SULF2: variants seen among roughly 807,000 people sequenced by gnomAD.
SULF2 encodes extracellular sulfatase Sulf-2.
Under a neutral mutation model 107.7 loss-of-function variants are expected in SULF2, and 52 were observed. That is an observed-to-expected ratio of 0.48 (90% CI 0.39 to 0.61). SULF2 has a LOEUF of 0.61. SULF2 is among the 20% of genes least tolerant of loss of function. The pLI is 0.00. For missense variants in SULF2, 993 were observed against 1,177.3 expected, an observed-to-expected ratio of 0.84 and a Z score of 2.29; for synonymous variants, 460 against 464.3, an observed-to-expected ratio of 0.99 and a Z score of 0.12.
rs1182622871 is a variant in SULF2, at chr20:47,663,231, C to T, written c.2228-19G>A. ...GGCCCCACTGCCAAGGAAGAGAGAG[C>T]ATGTCCTGAGTGCCTGCGGGAGGAG... On this transcript the variant is annotated intron_variant, in intron 16 of 20. Transcript: ENST00000688720. 2 of 1,613,532 alleles carry T rather than the reference C, an allele frequency of 1.2e-6. No individual in the cohort carries two copies. The highest frequency in any genetic ancestry group is 1.3e-5 in the African/African-American group (1 of 74,940).
intron 1 of SULF2, among the ~76,000 whole-genome samples, chr20:47,770,532 A>T (rs535547332): frequency 6.6e-6 from 1 of 152,302 alleles, no homozygotes; most frequent in East Asian, 1.9e-4. Context: ...GCACGGTGGG[A>T]AGACTGGAAT....
At chr20:47,662,973 G>T in intron 17 of SULF2, 97 bp downstream of exon 17, 2 of 1,406,630 alleles carry the variant, frequency 1.4e-6, no homozygotes, top group South Asian at 1.2e-5. Flanking sequence ...AGTGGGACTT[G>T]GACAATTTGT....
chr20:47,690,156 G>T lies in SULF2; in HGVS notation c.707C>A (p.Ser236Ter). 6.5e-7 allele frequency: 1 copy of T among 1,536,350 alleles called. No individual in the cohort carries two copies. The highest frequency in any genetic ancestry group is 8.8e-7 in the Non-Finnish European group (1 of 1,136,894). The change falls in exon 5 of 21, where the codon TCA becomes TAA. Residue 236 changes from serine (S) to a stop codon, truncating the protein, a stop_gained. Transcript: ENST00000688720. LOFTEE classifies it high-confidence loss of function. ...HGPEDSAPQYSRLFPNASQHI... is the reference protein window; with the variant it reads ...HGPEDSAPQY ...CTGAGATGCGTTTGGGAAGAGGCGT[G>T]AATATTGTGGGGCTGAATCCTCAGG...
chr20:47,739,125 C>T (rs1434675504), intron 2 of SULF2, among the ~76,000 whole-genome samples: 1 of 152,196 alleles, frequency 6.6e-6, no homozygotes, highest in Non-Finnish European at 1.5e-5. Flanking sequence ...CATGCTAACA[C>T]CTTGATTTTG....
At position 47,745,400 on chromosome 20, in the gene SULF2, A is replaced by T. The variant is rs1451988764; in HGVS notation, c.176-8458T>A. Among the ~76,000 whole-genome samples the T allele has an allele frequency of 2.3e-3, 71 of 30,538 alleles. 2 individuals carry two copies. The highest frequency in any genetic ancestry group is 7.2e-3 in the African/African-American group (66 of 9,150). 20.0% of individuals were successfully genotyped at this position (30,538 alleles called of 152,430 possible). ...TTTGAGGGAAAAAAAAAAAAAAAAA[A>T]AAAAAAAAAAATATATATATATATA... is the stretch of plus-strand genomic sequence containing the variant. On this transcript the variant is annotated intron_variant, in intron 2 of 20. Coordinates refer to ENST00000688720, the MANE Select transcript of SULF2 (RefSeq NM_001387048.1).
At chr20:47,737,902 C>T (rs756358918) in intron 2 of SULF2, among the ~76,000 whole-genome samples, 7 of 151,666 alleles carry the variant, frequency 4.6e-5, no homozygotes, top group South Asian at 2.1e-4. Context: ...AGCCCCTATA[C>T]GCAGCTAGTT....
chr20:47,667,823 C>T (rs540088303), intron 11 of SULF2, among the ~76,000 whole-genome samples: 25 of 152,242 alleles, frequency 1.6e-4, no homozygotes, highest in South Asian at 1.5e-3. Flanking sequence ...CAGGTGGTGG[C>T]GGAAGGCAGT....
chr20:47,774,120 A>C (rs1464895812), intron 1 of SULF2, among the ~76,000 whole-genome samples: 1 of 152,234 alleles, frequency 6.6e-6, no homozygotes, highest in African/African-American at 2.4e-5. Flanking sequence ...AACTTTTACC[A>C]AATCACCTGC....
intron 3 of SULF2, among the ~76,000 whole-genome samples, chr20:47,731,188 T>TCTC (rs1555848479): frequency 1.6e-4 from 6 of 36,434 alleles, no homozygotes; most frequent in African/African-American, 8.8e-4. Context: ...GTATCTTCTC[T>TCTC]TTTTTTTTTT....
At chr20:47,704,544 A>G (rs2088668601) in intron 3 of SULF2, among the ~76,000 whole-genome samples, 1 of 152,190 alleles carries the variant, frequency 6.6e-6, no homozygotes, top group Non-Finnish European at 1.5e-5. Context: ...AGGTGCTGAG[A>G]TGACAGGCGA....
chr20:47,689,070 A>C (rs1214856448), intron 5 of SULF2, among the ~76,000 whole-genome samples: 1 of 152,120 alleles, frequency 6.6e-6, no homozygotes, highest in Non-Finnish European at 1.5e-5. Context: ...AGGCATGGGA[A>C]GCAGAAGTGG....
At chr20:47,708,221 C>T (rs1469677222) in intron 3 of SULF2, among the ~76,000 whole-genome samples, 89 of 152,176 alleles carry the variant, frequency 5.8e-4, no homozygotes, top group Admixed American at 5.7e-3. Context: ...CAGAGTGGCC[C>T]CACGCAGTGC....
chr20:47,685,662 G>C (rs1368246210), intron 5 of SULF2: 1 of 152,260 alleles, frequency 6.6e-6, no homozygotes, highest in Admixed American at 6.5e-5. Flanking sequence ...CTACGGGCTT[G>C]TGTCAACACA....
intron 5 of SULF2, among the ~76,000 whole-genome samples, chr20:47,687,726 G>A (rs1008495138): frequency 2.0e-5 from 3 of 149,248 alleles, no homozygotes; most frequent in African/African-American, 4.9e-5. Flanking sequence ...TTTTTTTTTC[G>A]AGACAGGGTC....
intron 1 of SULF2, among the ~76,000 whole-genome samples, chr20:47,760,298 T>C (rs2090390276): frequency 6.6e-6 from 1 of 152,154 alleles, no homozygotes; most frequent in Non-Finnish European, 1.5e-5. Flanking sequence ...GGCTTCCGGC[T>C]GGGAGGCTGC....
At chr20:47,712,904 G>GCA (rs1296568722) in intron 3 of SULF2, among the ~76,000 whole-genome samples, 1 of 152,120 alleles carries the variant, frequency 6.6e-6, no homozygotes, top group African/African-American at 2.4e-5. Flanking sequence ...GTGTGGTGCT[G>GCA]CACGCCTGTC....
rs1386123534 is a variant in SULF2, at chr20:47,738,176, A to C, written c.176-1234T>G. On this transcript the variant is annotated intron_variant, in intron 2 of 20. Transcript: ENST00000688720. ...GTGCAGGCCAAGGTCCCAGGAGGGC[A>C]AAGGCTGTGTGCTCCGCTCAGCGCT... 3.3e-5 allele frequency among the ~76,000 whole-genome samples: 5 copies of C among 152,230 alleles called. No individual in the cohort carries two copies. The East Asian group carries it at 9.6e-4, about 29-fold the overall frequency.
intron 2 of SULF2, among the ~76,000 whole-genome samples, chr20:47,740,951 C>T (rs6125096): frequency 0.095 from 14,426 of 152,150 alleles, 674 homozygotes; most frequent in Admixed American, 0.11. Flanking sequence ...ATCTTGGCTA[C>T]GGTTCCTCCC....
At chr20:47,662,134 C>T (rs978886098) in intron 17 of SULF2, among the ~76,000 whole-genome samples, 4 of 152,178 alleles carry the variant, frequency 2.6e-5, no homozygotes, top group African/African-American at 9.7e-5. Context: ...ATAAAAACCA[C>T]GTCTGTGTAT....
Sources: gnomAD v4.1 joint callset for allele counts (sites outside exome capture counted in the v4.1 genomes callset) on GRCh38, gnomAD v4.1.1 for gene constraint, MANE v1.5 for transcripts, NCBI Gene and HGNC (gene_info 2026-07-23, HGNC 2026-07-21) for gene names.